NADK: variants seen among roughly 807,000 people sequenced by gnomAD.
NADK encodes NAD kinase.
NADK carries 22 observed loss-of-function variants against 49.8 expected under a neutral mutation model. That is an observed-to-expected ratio of 0.44 (90% confidence interval 0.32 to 0.63). The LOEUF is 0.63. NADK is among the 30% of genes least tolerant of loss of function. The pLI is 0.06. For synonymous variants in NADK, 268 were observed against 253.7 expected (o/e 1.06, Z -0.54); for missense variants, 438 against 609.4 (o/e 0.72, Z 2.96).
intron 3 of NADK, chr1:1,761,655 GC>G: frequency 3.1e-6 from 1 of 317,874 alleles, no homozygotes; most frequent in Non-Finnish European, 6.1e-6. Context: ...CGGTCTCCAG[GC>G]CCCGGCTCGC....
At chr1:1,756,187 G>T in intron 6 of NADK, 71 bp downstream of exon 6, 1 of 1,391,838 alleles carries the variant, frequency 7.2e-7, no homozygotes, top group Non-Finnish European at 1.0e-6. Flanking sequence ...TGGAAGCCAT[G>T]CTTGTGAGCC....
rs1342202828 is a variant in NADK, at chr1:1,755,719, CT to C, written c.586-244del. Among the ~76,000 whole-genome samples, 3 of 152,114 alleles carry C rather than the reference CT, an allele frequency of 2.0e-5. No individual in the cohort carries two copies. In the East Asian group the frequency reaches 5.8e-4, roughly 29 times the overall value. On this transcript the variant is annotated intron_variant, in intron 6 of 11. Coordinates refer to ENST00000341426, the MANE Select transcript of NADK (RefSeq NM_023018.5). Reference sequence around the variant, plus strand: ...AAAGGTGGCAGGGCTGAGCGGCCCCCTGGGCACGGAGGGCTGGGGGAGCTGG... The same window carrying C: ...AAAGGTGGCAGGGCTGAGCGGCCCCCGGGCACGGAGGGCTGGGGGAGCTGG...
Position 1,754,089 on chromosome 1 carries a change from A to C in NADK, c.1063T>G (p.Phe355Val). The C allele has an allele frequency of 6.2e-7, 1 of 1,604,582 alleles. No homozygotes were observed. The highest frequency in any genetic ancestry group is 2.2e-5 in the East Asian group (1 of 44,664). Residue 355 changes from phenylalanine to valine, a missense_variant, in exon 10 of 12, where the codon TTC becomes GTC. Physicochemically the swap from Phe to Val is conservative, Grantham distance 50. Coordinates refer to ENST00000341426, the MANE Select transcript of NADK (RefSeq NM_023018.5). This position sits in a 1 kb window ranked among gnomAD's most constrained non-coding sequence, Gnocchi z 4.3. Reference protein sequence around the residue: ...ITPICPHSLSFRPIVVPAGVE... With the variant: ...ITPICPHSLSVRPIVVPAGVE... ...CCTGCGGGGACCACGATGGGCCGGAAGGACAGCGAGTGGGGGCAGATGGGC... is the reference window on the plus strand; with the variant it reads ...CCTGCGGGGACCACGATGGGCCGGACGGACAGCGAGTGGGGGCAGATGGGC...
intron 3 of NADK, chr1:1,759,758 G>A (rs2100313548): frequency 6.4e-7 from 1 of 1,555,954 alleles, no homozygotes; most frequent in Non-Finnish European, 8.7e-7. Context: ...GGGCTGTCTG[G>A]CCTCGGGCAG....
At chr1:1,759,901 C>A (rs1009020483) in intron 3 of NADK, 3 of 1,550,608 alleles carry the variant, frequency 1.9e-6, no homozygotes, top group Non-Finnish European at 2.6e-6. Flanking sequence ...AAAGGAGTGG[C>A]TCTGCCAGGA....
intron 2 of NADK, among the ~76,000 whole-genome samples, chr1:1,764,883 A>G (rs1645836688): frequency 6.6e-6 from 1 of 152,240 alleles, no homozygotes. Flanking sequence ...CTTGGGGGAC[A>G]GAGCGAGACT....
chr1:1,775,189 G>A (rs775873933), intron 1 of NADK, among the ~76,000 whole-genome samples: 8 of 151,720 alleles, frequency 5.3e-5, no homozygotes, highest in Non-Finnish European at 7.4e-5. Flanking sequence ...TATTCATAAC[G>A]AACTTATACA....
chr1:1,760,473 C>T (rs1645684778), intron 3 of NADK, among the ~76,000 whole-genome samples: 1 of 152,216 alleles, frequency 6.6e-6, no homozygotes, highest in Non-Finnish European at 1.5e-5. Context: ...AGGGCTGGGG[C>T]CTCCGTCCCT....
chr1:1,754,601 G>T lies in NADK; in HGVS notation c.786C>A (p.Asn262Lys), dbSNP rs4751. ...TGTCCAGGCCTGCAGCCTGCGAGCCGTTCTCACCCAGCCCATTGTGCACGG... is the reference window on the plus strand; with the variant it reads ...TGTCCAGGCCTGCAGCCTGCGAGCCTTTCTCACCCAGCCCATTGTGCACGG... ...KTAVHNGLGE[N>K]GSQAAGLDMD... Residue 262 changes from asparagine (N) to lysine (K), a missense_variant, in exon 8 of 12, where the codon AAC (asparagine) becomes AAA (lysine). Asn to Lys is a moderately conservative substitution (Grantham distance 94). Transcript: ENST00000341426. The surrounding 1 kb of genome is among the most constrained non-coding windows in gnomAD (Gnocchi z 4.3). The T allele has an allele frequency of 0.39, 632,649 of 1,613,538 alleles. 129,875 individuals carry two copies. The highest frequency in any genetic ancestry group is 0.49 in the Middle Eastern group (2,956 of 6,062).
chr1:1,775,871 A>T (rs2100391915), intron 1 of NADK, among the ~76,000 whole-genome samples: 1 of 152,322 alleles, frequency 6.6e-6, no homozygotes, highest in South Asian at 2.1e-4. Context: ...AGCCACCAGC[A>T]CAGAGAGTAG....
At position 1,754,497 on chromosome 1, in the gene NADK, TCGCCCCACCCTG is replaced by T. The variant is rs1645444557; in HGVS notation, c.843+35_843+46del. On this transcript the variant is annotated intron_variant, in intron 8 of 11. Coordinates refer to ENST00000341426, the MANE Select transcript of NADK (RefSeq NM_023018.5). The surrounding 1 kb of genome is among the most constrained non-coding windows in gnomAD (Gnocchi z 4.3). ...AAGGTCCTCATCCCTGGGACCGAAGTCGCCCCACCCTGGGCCCCTCACCGAGGCCGAGGCGCC... is the reference window on the plus strand; with the variant it reads ...AAGGTCCTCATCCCTGGGACCGAAGTGGCCCCTCACCGAGGCCGAGGCGCC... 1 of 468,310 alleles carries T rather than the reference TCGCCCCACCCTG, an allele frequency of 2.1e-6. No homozygotes were observed. Among genetic ancestry groups the T allele is most frequent in the Admixed American group, 9.0e-5 (1 of 11,062 alleles). 29.0% of individuals were successfully genotyped at this position (468,310 alleles called of 1,614,324 possible). A position where few individuals can be genotyped will look rare whatever the true frequency, so the allele number is the denominator to read the frequency against.
intron 6 of NADK, among the ~76,000 whole-genome samples, chr1:1,755,726 C>T (rs1050808536): frequency 5.3e-5 from 8 of 149,612 alleles, no homozygotes; most frequent in South Asian, 2.2e-4. Flanking sequence ...CCCCTGGGCA[C>T]GGAGGGCTGG....
intron 3 of NADK, among the ~76,000 whole-genome samples, chr1:1,760,926 T>G (rs746906373): frequency 6.6e-6 from 1 of 151,858 alleles, no homozygotes; most frequent in Non-Finnish European, 1.5e-5. Flanking sequence ...ACCTCCCAGG[T>G]TCAGGTGATC....
At chr1:1,764,836 G>C (rs1279223352) in intron 2 of NADK, among the ~76,000 whole-genome samples, 1 of 152,240 alleles carries the variant, frequency 6.6e-6, no homozygotes, top group Admixed American at 6.5e-5. Context: ...GGGAGGCGGA[G>C]GTTGCAGTGA....
At chr1:1,769,506 G>A (rs368547605) in intron 1 of NADK, among the ~76,000 whole-genome samples, 35 of 152,098 alleles carry the variant, frequency 2.3e-4, no homozygotes, top group African/African-American at 7.2e-4. Context: ...AGCCGATATC[G>A]CGCCATGGCA....
rs145393948 is a variant in NADK, at chr1:1,757,255, C to T, written c.319G>A (p.Val107Ile). The T allele has an allele frequency of 3.5e-5, 56 of 1,612,548 alleles. No homozygotes were observed. In the African/African-American group the frequency reaches 4.8e-4, roughly 14 times the overall value. ...RLTWNKSPKS[V>I]LVIKKMRDAS... ...TCTCTCATCTTCTTGATGACAAGGACGCTCTTTGGGGACTTGTTCCACGTC... is the reference window on the plus strand; with the variant it reads ...TCTCTCATCTTCTTGATGACAAGGATGCTCTTTGGGGACTTGTTCCACGTC... Residue 107 changes from valine (V) to isoleucine (I), a missense_variant, in exon 4 of 12, where the codon GTC (valine) becomes ATC (isoleucine). Coordinates refer to ENST00000341426, the MANE Select transcript of NADK (RefSeq NM_023018.5).
chr1:1,769,786 G>A (rs1478631100), intron 1 of NADK, among the ~76,000 whole-genome samples: 2 of 151,544 alleles, frequency 1.3e-5, no homozygotes, highest in Non-Finnish European at 2.9e-5. Context: ...TCAAATACAT[G>A]AAAAATTCGG....
Position 1,754,632 on chromosome 1 carries a change from T to C in NADK, c.755A>G (p.Lys252Arg). 1 of 1,613,928 alleles carries C rather than the reference T, an allele frequency of 6.2e-7. No homozygotes were observed. The highest frequency in any genetic ancestry group is 1.1e-5 in the South Asian group (1 of 91,078). Residue 252 changes from lysine to arginine, a missense_variant, in exon 8 of 12, where the codon AAG (lysine) becomes AGG (arginine). Physicochemically the swap from Lys to Arg is conservative, Grantham distance 26 (BLOSUM62 2). Coordinates refer to ENST00000341426, the MANE Select transcript of NADK (RefSeq NM_023018.5). The surrounding 1 kb of genome is among the most constrained non-coding windows in gnomAD (Gnocchi z 4.3). ...ACCCAGCCCATTGTGCACGGCCGTC[T>C]TCTTCCCCCGGAGCTCCTTCACCAC... ...VRVVKELRGK[K>R]TAVHNGLGEN...
intron 1 of NADK, among the ~76,000 whole-genome samples, chr1:1,768,825 T>C (rs1645961720): frequency 6.6e-6 from 1 of 152,170 alleles, no homozygotes; most frequent in South Asian, 2.1e-4. Flanking sequence ...ATATGTGAGA[T>C]GATGGCAAGG....
Sources: gnomAD v4.1 joint callset for allele counts (sites outside exome capture counted in the v4.1 genomes callset) on GRCh38, gnomAD v4.1.1 for gene constraint, Gnocchi (gnomAD v3.1) non-coding constraint, MANE v1.5 for transcripts, NCBI Gene and HGNC (gene_info 2026-07-23, HGNC 2026-07-21) for gene names.